The following MAX variants were observed in gnomAD, a reference collection of about 807,000 sequenced individuals.
MAX encodes the protein protein max.
In MAX, 3 loss-of-function variants were observed where a neutral mutation model predicts 22.3. That is an observed-to-expected ratio of 0.13 (90% confidence interval 0.06 to 0.35). The LOEUF is 0.35. MAX is among the 10% of genes least tolerant of loss of function. The probability of loss-of-function intolerance (pLI) is 1.00; values close to 1 mark genes in which losing one functional copy is unlikely to be tolerated. For missense variants in MAX, 119 were observed against 209.4 expected, an observed-to-expected ratio of 0.57 and a Z score of 2.66; for synonymous variants, 72 against 77.7, an observed-to-expected ratio of 0.93 and a Z score of 0.39.
Position 65,094,309 on chromosome 14 carries a change from C to A in MAX, c.64-494G>T, listed in dbSNP as rs539680908. 8 of 206,102 alleles carry A rather than the reference C, an allele frequency of 3.9e-5. No homozygotes were observed. In the South Asian group the frequency reaches 4.1e-4, roughly 11 times the overall value. The allele number at this position is 206,102 out of a possible 1,614,324, so 12.8% of individuals were successfully genotyped here. ...TGAAACCATCACCATGAGTCCCAAG[C>A]CCACTAAAAGGCACTAGTTTAAGAC... On this transcript the variant is annotated intron_variant, in intron 2 of 4. Transcript: ENST00000358664.
intron 3 of MAX, among the ~76,000 whole-genome samples, chr14:65,034,383 C>G (rs2062146833): frequency 6.6e-6 from 1 of 152,172 alleles, no homozygotes; most frequent in Non-Finnish European, 1.5e-5. Flanking sequence ...AAAAGGGTAC[C>G]TGGGAGATAC....
chr14:65,085,375 T>C (rs1227178208), intron 3 of MAX, among the ~76,000 whole-genome samples: 1 of 152,216 alleles, frequency 6.6e-6, no homozygotes, highest in Admixed American at 6.5e-5. Flanking sequence ...TTCCCATTTT[T>C]CTAAAGTTTT....
rs1060500100 is a variant in MAX, at chr14:65,076,622, T to A, written c.337A>T (p.Thr113Ser). The A allele has an allele frequency of 1.2e-6, 2 of 1,614,084 alleles. No homozygotes were observed. Among genetic ancestry groups the A allele is most frequent in the Non-Finnish European group, 1.7e-6 (2 of 1,179,996 alleles). Residue 113 changes from threonine (T) to serine (S), a missense_variant, in exon 5 of 5, where the codon ACC (threonine) becomes TCC (serine). This residue lies in a region of MAX where 95 missense variants were observed against 148.1 expected (regional missense o/e 0.64). Transcript: ENST00000358664. The surrounding 1 kb of genome is among the most constrained non-coding windows in gnomAD (Gnocchi z 6.6). The stretch of plus-strand genomic sequence containing the variant: ...CTGTTGTCTGAGGAGGGGTAGTTGG[T>A]CTGCAGTTGGGCACTTGACCTCGCC... Reference protein sequence around the residue: ...EKARSSAQLQTNYPSSDNSLY... With the variant: ...EKARSSAQLQSNYPSSDNSLY...
In MAX at chr14:65,040,285, A is replaced by ATATATATATGTATATATATGTGTGTG. The variant is rs1566565373; in HGVS notation, c.172-34002_172-34001insCACACACATATATATACATATATATA. ...TATATATATGTATATATATGTGTGTATATATATATATGTATATATATGTGT... is the reference window on the plus strand; with the variant it reads ...TATATATATGTATATATATGTGTGTATATATATATGTATATATATGTGTGTGTATATATATATGTATATATATGTGT... On this transcript the variant is annotated intron_variant, in intron 3 of 3. Coordinates refer to the MAX transcript ENST00000341653. Among the ~76,000 whole-genome samples the ATATATATATGTATATATATGTGTGTG allele has an allele frequency of 2.1e-5, 3 of 145,144 alleles. No individual in the cohort carries two copies. The East Asian group carries it at 5.9e-4, about 28-fold the overall frequency.
rs530573295 is a variant in MAX at position 65,028,325 on chromosome 14, C to T, written c.172-22041G>A. The stretch of plus-strand genomic sequence containing the variant: ...TTAGCTCGAAATTATTATTTTCTTC[C>T]ATAAGTGTCTGATGTACCAAGCAAG... On this transcript the variant is annotated intron_variant, in intron 3 of 3. Transcript: ENST00000341653. The surrounding 1 kb of genome is among the most constrained non-coding windows in gnomAD (Gnocchi z 4.4). Among the ~76,000 whole-genome samples the T allele has an allele frequency of 1.3e-5, 2 of 152,278 alleles. No individual in the cohort carries two copies. The highest frequency in any genetic ancestry group is 2.1e-4 in the South Asian group (1 of 4,824).
chr14:65,081,992 T>C (rs968698807), intron 3 of MAX: 1 of 152,184 alleles, frequency 6.6e-6, no homozygotes, highest in Non-Finnish European at 1.5e-5. Flanking sequence ...GTGACAATGA[T>C]GATGGGGGTG....
intron 3 of MAX, among the ~76,000 whole-genome samples, chr14:65,067,803 T>TA (rs1215380618): frequency 2.0e-5 from 3 of 151,238 alleles, no homozygotes; most frequent in African/African-American, 7.3e-5. Flanking sequence ...ATTTTTTTTT[T>TA]TTTTTTTTTG....
rs1188357032 is a variant in MAX at position 65,023,963 on chromosome 14, G to A, written c.172-17679C>T. Among the ~76,000 whole-genome samples, 2 of 152,098 alleles carry A rather than the reference G, an allele frequency of 1.3e-5. No individual in the cohort carries two copies. The highest frequency in any genetic ancestry group is 2.9e-5 in the Non-Finnish European group (2 of 68,000). ...TAAAAAATACAAAAATTAGCTGGGCGTGGCGGCATGCACCTGTAGTCCCAG... is the reference window on the plus strand; with the variant it reads ...TAAAAAATACAAAAATTAGCTGGGCATGGCGGCATGCACCTGTAGTCCCAG... On this transcript the variant is annotated intron_variant, in intron 3 of 3. Coordinates refer to the MAX transcript ENST00000341653. This position sits in a 1 kb window ranked among gnomAD's most constrained non-coding sequence, Gnocchi z 4.1.
intron 3 of MAX, among the ~76,000 whole-genome samples, chr14:65,020,465 G>T (rs2061864424): frequency 6.6e-6 from 1 of 151,890 alleles, no homozygotes; most frequent in Non-Finnish European, 1.5e-5. Context: ...TCGCTCTGTT[G>T]CCCAGACTGG....
chr14:65,048,717 T>C (rs991884513), intron 3 of MAX, among the ~76,000 whole-genome samples: 2 of 151,696 alleles, frequency 1.3e-5, no homozygotes, highest in African/African-American at 4.8e-5. Context: ...TAACCAGACA[T>C]GGTGGCACAT....
At chr14:65,041,668 C>CTGT (rs1191411906) in intron 3 of MAX, among the ~76,000 whole-genome samples, 1 of 152,216 alleles carries the variant, frequency 6.6e-6, no homozygotes, top group East Asian at 1.9e-4. Flanking sequence ...TGGAGAGTTT[C>CTGT]TGTTGTACCC....
chr14:65,045,608 G>T (rs1252006675), intron 3 of MAX, among the ~76,000 whole-genome samples: 5 of 152,124 alleles, frequency 3.3e-5, no homozygotes, highest in African/African-American at 7.2e-5. Context: ...TAGAGACAGG[G>T]TTTCACCATG....
chr14:65,099,801 A>C (rs1370496450), intron 2 of MAX, among the ~76,000 whole-genome samples: 1 of 152,254 alleles, frequency 6.6e-6, no homozygotes, highest in Non-Finnish European at 1.5e-5. Context: ...GTATATGAGA[A>C]TACTTCAAGG....
At chr14:65,061,321 G>A in intron 3 of MAX, 1 of 1,613,306 alleles carries the variant, frequency 6.2e-7, no homozygotes, top group Non-Finnish European at 8.5e-7. Context: ...AGAGGACCTG[G>A]GTCCCGGCAG....
intron 3 of MAX, chr14:65,015,524 C>T (rs2061757122): frequency 8.3e-7 from 1 of 1,208,004 alleles, no homozygotes; most frequent in Non-Finnish European, 1.2e-6. Flanking sequence ...TGCCCTCCTC[C>T]CCCTTGCCAG....
At chr14:65,087,924 G>A (rs2063384145) in intron 3 of MAX, among the ~76,000 whole-genome samples, 1 of 152,160 alleles carries the variant, frequency 6.6e-6, no homozygotes, top group South Asian at 2.1e-4. Flanking sequence ...GAATCACGGG[G>A]ACAGGTCTTT....
intron 3 of MAX, among the ~76,000 whole-genome samples, chr14:65,087,716 G>C (rs917420138): frequency 5.3e-5 from 8 of 152,226 alleles, no homozygotes; most frequent in Non-Finnish European, 1.2e-4. Context: ...TCTTGTCCCA[G>C]ATGAGACTTT....
intron 2 of MAX, among the ~76,000 whole-genome samples, chr14:65,095,903 T>C (rs988132571): frequency 6.6e-6 from 1 of 152,218 alleles, no homozygotes; most frequent in African/African-American, 2.4e-5. Flanking sequence ...TGGTTTCACG[T>C]GGACCTGCAC....
chr14:65,101,997 C>G (rs2063858969), intron 1 of MAX, among the ~76,000 whole-genome samples: 1 of 152,238 alleles, frequency 6.6e-6, no homozygotes. Flanking sequence ...GGGCGCCCCC[C>G]ATCCTTGTCC....
Sources: gnomAD v4.1 joint callset for allele counts (sites outside exome capture counted in the v4.1 genomes callset) on GRCh38, gnomAD v4.1.1 for gene constraint, gnomAD v4.1.1 regional missense constraint, Gnocchi (gnomAD v3.1) non-coding constraint, MANE v1.5 for transcripts, NCBI Gene and HGNC (gene_info 2026-07-23, HGNC 2026-07-21) for gene names.